Variants in OPCML observed in about 807,000 individuals in gnomAD.
The protein encoded by OPCML is opioid-binding protein/cell adhesion molecule.
A neutral mutation model predicts 37.8 loss-of-function variants in OPCML; 13 were observed. The observed-to-expected ratio is 0.34, with a 90% CI of 0.22 to 0.55. The LOEUF is 0.55. Among genes scored for constraint, OPCML ranks in the 20% least tolerant of loss-of-function variants. The pLI is 0.91. For synonymous variants in OPCML, 176 were observed against 168.8 expected (o/e 1.04, Z -0.33); for missense variants, 341 against 435.6 (o/e 0.78, Z 1.93).
intron 4 of OPCML, among the ~76,000 whole-genome samples, chr11:132,453,143 C>T (rs558373486): frequency 6.6e-6 from 1 of 152,138 alleles, no homozygotes; most frequent in Non-Finnish European, 1.5e-5. Flanking sequence ...TCCTGTAGAA[C>T]GTACATTTAT....
chr11:132,681,954 CA>C (rs35562833), intron 2 of OPCML, among the ~76,000 whole-genome samples: 4,584 of 136,304 alleles, frequency 0.034, 217 homozygotes, highest in African/African-American at 0.11. Flanking sequence ...GATTCCGTCT[CA>C]AAAAAAAAAA....
intron 1 of OPCML, among the ~76,000 whole-genome samples, chr11:133,446,913 C>A (rs1030197138): frequency 1.3e-5 from 2 of 152,182 alleles, no homozygotes; most frequent in African/African-American, 2.4e-5. Flanking sequence ...TAGATTACTA[C>A]ATTTTCTTTA....
intron 1 of OPCML, among the ~76,000 whole-genome samples, chr11:133,125,719 GTATATAGTA>G (rs1268610202): frequency 7.3e-4 from 25 of 34,350 alleles, no homozygotes; most frequent in Admixed American, 1.6e-3. Flanking sequence ...GTATATATAT[GTATATAGTA>G]TATATAGTAT....
At chr11:132,844,603 G>C (rs1404446713) in intron 2 of OPCML, among the ~76,000 whole-genome samples, 3 of 152,170 alleles carry the variant, frequency 2.0e-5, no homozygotes, top group Admixed American at 6.5e-5. Flanking sequence ...TGATGATTTA[G>C]AGTATAGACC....
chr11:132,758,508 T>C (rs1946142497), intron 2 of OPCML, among the ~76,000 whole-genome samples: 1 of 152,182 alleles, frequency 6.6e-6, no homozygotes, highest in African/African-American at 2.4e-5. Context: ...CTTGAAGAAG[T>C]CCTTCATATC....
At chr11:133,526,395 T>C (rs1197747597) in intron 1 of OPCML, among the ~76,000 whole-genome samples, 1 of 152,124 alleles carries the variant, frequency 6.6e-6, no homozygotes, top group Non-Finnish European at 1.5e-5. Context: ...GTAGCTAAAC[T>C]CTGGCTTGGA....
chr11:132,709,442 A>G (rs572400087), intron 2 of OPCML, among the ~76,000 whole-genome samples: 43 of 152,240 alleles, frequency 2.8e-4, no homozygotes, highest in African/African-American at 9.1e-4. Flanking sequence ...CATTATTTAG[A>G]TTTCCTTAGT....
chr11:133,298,271 G>T (rs1592178635), intron 1 of OPCML: 3 of 152,110 alleles, frequency 2.0e-5, no homozygotes, highest in African/African-American at 7.2e-5. Flanking sequence ...AAGATAGGGA[G>T]GGAGAGCAGG....
chr11:133,240,089 G>A (rs1940668288), intron 1 of OPCML, among the ~76,000 whole-genome samples: 1 of 151,640 alleles, frequency 6.6e-6, no homozygotes, highest in Admixed American at 6.6e-5. Flanking sequence ...GCATTAGAAT[G>A]TACGTGCTGC....
rs147273736 is a variant in OPCML, at chr11:133,308,016, C to T, written c.61+224248G>A. ...AGCTAGAAATCTAACAATGAAAAGACGAGATAAGAGCCAGATTGTGAAGAA... is the reference window on the plus strand; with the variant it reads ...AGCTAGAAATCTAACAATGAAAAGATGAGATAAGAGCCAGATTGTGAAGAA... On this transcript the variant is annotated intron_variant, in intron 1 of 7. Coordinates refer to ENST00000524381, the MANE Select transcript of OPCML (RefSeq NM_001012393.5). 1.0e-3 allele frequency among the ~76,000 whole-genome samples: 159 copies of T among 151,878 alleles called. 1 individual carries two copies. Among genetic ancestry groups the T allele is most frequent in the African/African-American group, 3.6e-3 (150 of 41,418 alleles).
intron 1 of OPCML, among the ~76,000 whole-genome samples, chr11:133,237,311 A>C (rs997980772): frequency 6.6e-6 from 1 of 152,202 alleles, no homozygotes; most frequent in African/African-American, 2.4e-5. Flanking sequence ...CTGCTACAGC[A>C]TCTTCTCCCA....
chr11:133,416,769 G>A (rs1007617907), intron 1 of OPCML, among the ~76,000 whole-genome samples: 1 of 152,128 alleles, frequency 6.6e-6, no homozygotes, highest in Non-Finnish European at 1.5e-5. Flanking sequence ...TATCCTGAAG[G>A]ATCAGAGAGT....
chr11:132,820,838 T>C (rs1939937926), intron 2 of OPCML, among the ~76,000 whole-genome samples: 2 of 152,208 alleles, frequency 1.3e-5, no homozygotes, highest in Non-Finnish European at 1.5e-5. Context: ...TAGCTTGTAC[T>C]TTCTTTCCCC....
intron 4 of OPCML, among the ~76,000 whole-genome samples, chr11:132,488,837 A>G (rs1273637868): frequency 2.6e-5 from 4 of 152,210 alleles, no homozygotes; most frequent in Admixed American, 2.6e-4. Flanking sequence ...CACTTTGTCC[A>G]TCTTAATGAA....
chr11:132,587,083 C>T (rs540213316), intron 3 of OPCML, among the ~76,000 whole-genome samples: 3 of 152,294 alleles, frequency 2.0e-5, no homozygotes, highest in Admixed American at 2.0e-4. Flanking sequence ...GTCCAGGCTG[C>T]AGTGCAAGCA....
In OPCML at chr11:132,656,785, T is replaced by C. The variant is rs372382723; in HGVS notation, c.379+302A>G. Among the ~76,000 whole-genome samples the C allele has an allele frequency of 9.9e-5, 15 of 152,250 alleles. No homozygotes were observed. In the East Asian group the frequency reaches 1.5e-3, roughly 16 times the overall value. On this transcript the variant is annotated intron_variant, in intron 3 of 7. Transcript: ENST00000524381. ...AGTACTGTATTTATCTATGTTTGCA[T>C]GTATCTCACTCCAGCTCCAGAGTGC...
chr11:133,137,765 C>T (rs983976181), intron 1 of OPCML, among the ~76,000 whole-genome samples: 2 of 152,192 alleles, frequency 1.3e-5, no homozygotes, highest in Non-Finnish European at 2.9e-5. Context: ...TATTCCTCCC[C>T]TTTCCATTTA....
chr11:133,347,252 G>T lies in OPCML; in HGVS notation c.61+185012C>A, dbSNP rs144587472. 9.7e-4 allele frequency among the ~76,000 whole-genome samples: 148 copies of T among 152,310 alleles called. 1 individual carries two copies. The highest frequency in any genetic ancestry group is 3.2e-3 in the African/African-American group (133 of 41,562). ...CCTGTTGCTGCTACACCTCTCCAAG[G>T]TGTCTTCATGATGACTCTCCCTGGG... is the stretch of plus-strand genomic sequence containing the variant. On this transcript the variant is annotated intron_variant, in intron 1 of 7. Coordinates refer to ENST00000524381, the MANE Select transcript of OPCML (RefSeq NM_001012393.5).
chr11:132,448,268 G>C (rs1458144071), intron 4 of OPCML, among the ~76,000 whole-genome samples: 1 of 152,054 alleles, frequency 6.6e-6, no homozygotes, highest in East Asian at 1.9e-4. Flanking sequence ...ATTAGTTCCT[G>C]GCATCACAGC....
Sources: gnomAD v4.1 joint callset for allele counts (sites outside exome capture counted in the v4.1 genomes callset) on GRCh38, gnomAD v4.1.1 for gene constraint, MANE v1.5 for transcripts, NCBI Gene and HGNC (gene_info 2026-07-23, HGNC 2026-07-21) for gene names.